The following IFIH1 variants were observed in gnomAD, a reference collection of about 807,000 sequenced individuals.
The protein encoded by IFIH1 is interferon induced with helicase C domain 1.
Under a neutral mutation model 107.4 loss-of-function variants are expected in IFIH1, and 125 were observed. That is an observed-to-expected ratio of 1.16 (90% CI 1.01 to 1.35). The LOEUF is 1.35. Ranked by LOEUF, IFIH1 falls within the 40% of genes most tolerant of loss-of-function variation. IFIH1 has a pLI of 0.00. For missense variants in IFIH1, 1,333 were observed against 1,213.7 expected (o/e 1.10, Z -1.46); for synonymous variants, 458 against 413.2 (o/e 1.11, Z -1.31).
At chr2:162,270,584 A>C (rs1481268388) in intron 13 of IFIH1, among the ~76,000 whole-genome samples, 1 of 152,154 alleles carries the variant, frequency 6.6e-6, no homozygotes, top group Non-Finnish European at 1.5e-5. Flanking sequence ...GAGACCTAAA[A>C]ATATAGTCCA....
chr2:162,297,017 T>G (rs963399273), intron 3 of IFIH1, among the ~76,000 whole-genome samples: 1 of 152,088 alleles, frequency 6.6e-6, no homozygotes, highest in Non-Finnish European at 1.5e-5. Flanking sequence ...CATTTTGATA[T>G]ACGTTTTTGC....
At chr2:162,288,402 C>T in intron 4 of IFIH1, 47 bp from the exon 5 acceptor site, 1 of 1,446,154 alleles carries the variant, frequency 6.9e-7, no homozygotes, top group South Asian at 1.2e-5. Context: ...AACAAAATAA[C>T]AGAGCTTAGG....
intron 3 of IFIH1, 87 bp downstream of exon 3, chr2:162,306,622 T>G: frequency 1.1e-6 from 1 of 913,752 alleles, no homozygotes; most frequent in African/African-American, 1.7e-5. Flanking sequence ...ATGCCCACAT[T>G]TTCTCCCTCT....
intron 13 of IFIH1, among the ~76,000 whole-genome samples, chr2:162,269,646 G>T (rs1488237709): frequency 1.3e-5 from 2 of 152,168 alleles, no homozygotes; most frequent in African/African-American, 4.8e-5. Flanking sequence ...TCTCATAGAT[G>T]ACATATTTAT....
chr2:162,289,697 C>A (rs965388924), intron 4 of IFIH1, among the ~76,000 whole-genome samples: 3 of 151,836 alleles, frequency 2.0e-5, no homozygotes, highest in Non-Finnish European at 2.9e-5. Context: ...ACACCAAATA[C>A]CACTTAGGAT....
chr2:162,308,163 TCA>T (rs1683320445), intron 2 of IFIH1, among the ~76,000 whole-genome samples: 2 of 152,152 alleles, frequency 1.3e-5, no homozygotes, highest in Non-Finnish European at 1.5e-5. Flanking sequence ...ACTTCTTTTC[TCA>T]CAGTTCTGGG....
chr2:162,285,678 C>T (rs886241528), intron 5 of IFIH1, among the ~76,000 whole-genome samples: 2 of 151,860 alleles, frequency 1.3e-5, no homozygotes, highest in African/African-American at 4.8e-5. Flanking sequence ...AATATTTAAA[C>T]ATAGCCATAA....
chr2:162,273,704 G>C, intron 12 of IFIH1, 91 bp downstream of exon 12: 1 of 964,362 alleles, frequency 1.0e-6, no homozygotes, highest in African/African-American at 1.7e-5. Flanking sequence ...AAACTAAAAA[G>C]ATGTTTTTGC....
chr2:162,292,017 T>C (rs1341939592), intron 4 of IFIH1, among the ~76,000 whole-genome samples: 2 of 151,876 alleles, frequency 1.3e-5, no homozygotes, highest in African/African-American at 4.8e-5. Flanking sequence ...ATGTGTTTCA[T>C]GCCACATTGA....
At chr2:162,301,168 TAAAGTCTGAA>T (rs1172974315) in intron 3 of IFIH1, among the ~76,000 whole-genome samples, 1 of 152,090 alleles carries the variant, frequency 6.6e-6, no homozygotes, top group Non-Finnish European at 1.5e-5. Flanking sequence ...AAGAAGGTAT[TAAAGTCTGAA>T]AACAAGCAGG....
At chr2:162,306,877 T>C in intron 2 of IFIH1, 22 bp from the exon 3 acceptor site, 1 of 1,611,404 alleles carries the variant, frequency 6.2e-7, no homozygotes, top group South Asian at 1.1e-5. Flanking sequence ...AGTATTAGAA[T>C]GCAAATCATA....
intron 14 of IFIH1, among the ~76,000 whole-genome samples, chr2:162,267,871 G>T (rs188202011): frequency 1.3e-5 from 2 of 152,304 alleles, no homozygotes; most frequent in East Asian, 3.9e-4. Flanking sequence ...ACGTGCCTTG[G>T]ATCAAAATGG....
At position 162,267,187 on chromosome 2, in the gene IFIH1, C is replaced by T; in HGVS notation, c.*13G>A. The T allele has an allele frequency of 6.5e-7, 1 of 1,537,664 alleles. No individual in the cohort carries two copies. ...TTAACTGATAGTATTTTAAAAGAATCTTCAATCAAGTGCTAATCCTCATCA... is the reference window on the plus strand; with the variant it reads ...TTAACTGATAGTATTTTAAAAGAATTTTCAATCAAGTGCTAATCCTCATCA... On this transcript the variant is annotated 3_prime_UTR_variant, in exon 16 of 16. Coordinates refer to ENST00000649979, the MANE Select transcript of IFIH1 (RefSeq NM_022168.4).
chr2:162,277,949 G>C (rs1682733616), intron 9 of IFIH1, among the ~76,000 whole-genome samples: 1 of 152,118 alleles, frequency 6.6e-6, no homozygotes, highest in Non-Finnish European at 1.5e-5. Flanking sequence ...TATATTAGTT[G>C]AGTTTGCCTT....
intron 1 of IFIH1, among the ~76,000 whole-genome samples, chr2:162,313,979 G>A (rs1005630156): frequency 2.0e-5 from 3 of 152,160 alleles, no homozygotes; most frequent in Non-Finnish European, 4.4e-5. Context: ...GTAAATGGAA[G>A]GTGTGTGGAG....
At chr2:162,299,135 T>C (rs1683147985) in intron 3 of IFIH1, among the ~76,000 whole-genome samples, 1 of 152,094 alleles carries the variant, frequency 6.6e-6, no homozygotes, top group African/African-American at 2.4e-5. Flanking sequence ...TAAAGAGAGG[T>C]AGTTATTAAA....
At chr2:162,291,251 T>G (rs1243291192) in intron 4 of IFIH1, among the ~76,000 whole-genome samples, 1 of 151,856 alleles carries the variant, frequency 6.6e-6, no homozygotes, top group Non-Finnish European at 1.5e-5. Context: ...ATTCTCACAT[T>G]GATTTTGACA....
chr2:162,287,064 G>A (rs773595087), intron 5 of IFIH1, among the ~76,000 whole-genome samples: 17 of 151,984 alleles, frequency 1.1e-4, no homozygotes, highest in Non-Finnish European at 2.1e-4. Context: ...AAACAAATTT[G>A]AATGTGTCAC....
Position 162,268,080 on chromosome 2 carries a change from G to T in IFIH1, c.2807+7C>A. ...AAAAATGTAAAAATGGGTCTTTCTG[G>T]ACTCACTTGAATTCTGGGGTCATAT... On this transcript the variant is annotated splice_region_variant and intron_variant, in intron 14 of 15. Transcript: ENST00000649979. 6.3e-7 allele frequency: 1 copy of T among 1,577,246 alleles called. No homozygotes were observed. Among genetic ancestry groups the T allele is most frequent in the South Asian group, 1.2e-5 (1 of 84,330 alleles).
Sources: allele counts gnomAD v4.1 joint callset (sites outside exome capture counted in the v4.1 genomes callset), GRCh38; gene constraint gnomAD v4.1.1; transcripts MANE v1.5; gene names NCBI Gene and HGNC (gene_info 2026-07-23, HGNC 2026-07-21).